The following DCUN1D5 variants were observed in gnomAD, a reference collection of about 807,000 sequenced individuals.
The protein encoded by DCUN1D5 is defective in cullin neddylation 1 domain containing 5.
DCUN1D5 carries 10 observed loss-of-function variants against 38.3 expected under a neutral mutation model. The observed-to-expected ratio is 0.26, with a 90% CI of 0.16 to 0.44. The LOEUF (loss-of-function observed/expected upper bound fraction) is 0.44. Ranked by LOEUF, DCUN1D5 falls within the 20% of genes least tolerant of loss-of-function variation. DCUN1D5 has a pLI of 1.00. For missense variants in DCUN1D5, 148 were observed against 275.3 expected (o/e 0.54, Z 3.27); for synonymous variants, 93 against 90.9 (o/e 1.02, Z -0.13).
rs1406483374 is a variant in DCUN1D5, at chr11:103,053,815, A to G, written c.*8544T>C. 2.0e-5 allele frequency: 3 copies of G among 152,156 alleles called. No individual in the cohort carries two copies. The highest frequency in any genetic ancestry group is 1.3e-4 in the Admixed American group (2 of 15,268). The allele number at this position is 152,156 out of a possible 1,614,324, so 9.4% of individuals were successfully genotyped here. On this transcript the variant is annotated 3_prime_UTR_variant, in exon 8 of 8. Coordinates refer to ENST00000260247, the MANE Select transcript of DCUN1D5 (RefSeq NM_032299.4). This position sits in a 1 kb window ranked among gnomAD's most constrained non-coding sequence, Gnocchi z 4.8. ...ATTTTTCCATTTGACTCTACTATAT[A>G]TAACACTTATTGAACACAAGTCCAT...
At chr11:103,069,537 G>A (rs1338142230) in intron 4 of DCUN1D5, among the ~76,000 whole-genome samples, 1 of 152,144 alleles carries the variant, frequency 6.6e-6, no homozygotes, top group African/African-American at 2.4e-5. Flanking sequence ...CAGGTAACAT[G>A]AACTTCTGCT....
chr11:103,062,235 A>G lies in DCUN1D5; in HGVS notation c.*124T>C. ...AAACCTCCTTTAAAAAAAGGAAAAA[A>G]AAGTACTATGAGAAGTCTTTCATAT... is the stretch of plus-strand genomic sequence containing the variant. On this transcript the variant is annotated 3_prime_UTR_variant, in exon 8 of 8. Coordinates refer to ENST00000260247, the MANE Select transcript of DCUN1D5 (RefSeq NM_032299.4). The surrounding 1 kb of genome is among the most constrained non-coding windows in gnomAD (Gnocchi z 4.6). 1 of 926,114 alleles carries G rather than the reference A, an allele frequency of 1.1e-6. No individual in the cohort carries two copies. The highest frequency in any genetic ancestry group is 2.4e-5 in the Admixed American group (1 of 41,540). The allele number at this position is 926,114 out of a possible 1,614,324, so 57.4% of individuals were successfully genotyped here. A position where few individuals can be genotyped will look rare whatever the true frequency, so the allele number is the denominator to read the frequency against.
rs1356528643 is a variant in DCUN1D5 at position 103,064,794 on chromosome 11, GTA to G, written c.556-419_556-418del. The stretch of plus-strand genomic sequence containing the variant: ...GGCATCTTTGGAAACAAGTGAAAGA[GTA>G]TAGGCTTCGATTTAAATCCCACCCT... On this transcript the variant is annotated intron_variant, in intron 6 of 7. Transcript: ENST00000260247. The surrounding 1 kb of genome is among the most constrained non-coding windows in gnomAD (Gnocchi z 4.5). 6.6e-6 allele frequency among the ~76,000 whole-genome samples: 1 copy of G among 152,146 alleles called. No individual in the cohort carries two copies. Among genetic ancestry groups the G allele is most frequent in the African/African-American group, 2.4e-5 (1 of 41,434 alleles).
At chr11:103,075,082 G>C (rs936637191) in intron 4 of DCUN1D5, among the ~76,000 whole-genome samples, 15 of 152,178 alleles carry the variant, frequency 9.9e-5, no homozygotes, top group African/African-American at 3.1e-4. Context: ...AATTCTCTCA[G>C]GTAGAAGCCC....
rs998778882 is a variant in DCUN1D5, at chr11:103,057,811, T to C, written c.*4548A>G. Among the ~76,000 whole-genome samples the C allele has an allele frequency of 2.0e-5, 3 of 152,120 alleles. No individual in the cohort carries two copies. The highest frequency in any genetic ancestry group is 4.4e-5 in the Non-Finnish European group (3 of 68,028). ...TTTTGGGGAAATCTGGCTCTCTCTA[T>C]ATATTCACTTCAAGTATTTATTAGC... is the stretch of plus-strand genomic sequence containing the variant. On this transcript the variant is annotated 3_prime_UTR_variant, in exon 8 of 8. Coordinates refer to ENST00000260247, the MANE Select transcript of DCUN1D5 (RefSeq NM_032299.4). The surrounding 1 kb of genome is among the most constrained non-coding windows in gnomAD (Gnocchi z 4.8).
In DCUN1D5 at chr11:103,059,195, C is replaced by G. The variant is rs112046756; in HGVS notation, c.*3164G>C. The stretch of plus-strand genomic sequence containing the variant: ...AAATCCTTTCATAATTTCACATTAG[C>G]AAGTAGGCAGACAGGACATGTTTTG... On this transcript the variant is annotated 3_prime_UTR_variant, in exon 8 of 8. Coordinates refer to ENST00000260247, the MANE Select transcript of DCUN1D5 (RefSeq NM_032299.4). 9.8e-3 allele frequency among the ~76,000 whole-genome samples: 1,494 copies of G among 152,178 alleles called. 19 individuals are homozygous for G. The highest frequency in any genetic ancestry group is 0.085 in the Middle Eastern group (25 of 294).
At position 103,066,435 on chromosome 11, in the gene DCUN1D5, A is replaced by G. The variant is rs750564782; in HGVS notation, c.450+24T>C. On this transcript the variant is annotated intron_variant, in intron 5 of 7. Coordinates refer to ENST00000260247, the MANE Select transcript of DCUN1D5 (RefSeq NM_032299.4). The surrounding 1 kb of genome is among the most constrained non-coding windows in gnomAD (Gnocchi z 4.7). The stretch of plus-strand genomic sequence containing the variant: ...CTCAAGATGAAAAGCTATTAAAACA[A>G]CAAAACAAGAAAATTGCACCTACCC... 34 of 1,594,302 alleles carry G rather than the reference A, an allele frequency of 2.1e-5. No individual in the cohort carries two copies. The highest frequency in any genetic ancestry group is 2.7e-5 in the Non-Finnish European group (32 of 1,166,256).
At chr11:103,069,699 G>A (rs1038975780) in intron 4 of DCUN1D5, among the ~76,000 whole-genome samples, 1 of 152,114 alleles carries the variant, frequency 6.6e-6, no homozygotes, top group Non-Finnish European at 1.5e-5. Context: ...AGCGTAGTGG[G>A]AACCCAGAAC....
chr11:103,091,523 T>C lies in DCUN1D5; in HGVS notation c.86+264A>G. On this transcript the variant is annotated intron_variant, in intron 1 of 7. Transcript: ENST00000260247. This position sits in a 1 kb window ranked among gnomAD's most constrained non-coding sequence, Gnocchi z 4.3. ...GGGGGAAGCGCAATTTACATATGCA[T>C]CTGTTCCCCACCCTGCAGGGCACGT... 2.2e-6 allele frequency: 1 copy of C among 460,486 alleles called. No homozygotes were observed. Among genetic ancestry groups the C allele is most frequent in the Non-Finnish European group, 4.0e-6 (1 of 252,068 alleles). 28.5% of individuals were successfully genotyped at this position (460,486 alleles called of 1,614,324 possible).
chr11:103,084,057 T>C (rs925522250), intron 2 of DCUN1D5, among the ~76,000 whole-genome samples: 14 of 152,168 alleles, frequency 9.2e-5, no homozygotes, highest in Non-Finnish European at 4.4e-5. Context: ...CTTAGCAACA[T>C]TAATAAATCA....
At chr11:103,082,581 A>G (rs971075112) in intron 4 of DCUN1D5, among the ~76,000 whole-genome samples, 167 bp downstream of exon 4, 1 of 152,074 alleles carries the variant, frequency 6.6e-6, no homozygotes, top group Non-Finnish European at 1.5e-5. Context: ...GTACCTATAT[A>G]TTTGCCCAAG....
rs1861944634 is a variant in DCUN1D5, at chr11:103,058,960, T to C, written c.*3399A>G. On this transcript the variant is annotated 3_prime_UTR_variant, in exon 8 of 8. Coordinates refer to ENST00000260247, the MANE Select transcript of DCUN1D5 (RefSeq NM_032299.4). ...TGCTTTAACAAAGAAAGGCATTTAG[T>C]TTTCCTTTTTTTTTTTTATTAAAAT... Among the ~76,000 whole-genome samples the C allele has an allele frequency of 6.7e-6, 1 of 148,392 alleles. No individual in the cohort carries two copies. Among genetic ancestry groups the C allele is most frequent in the Non-Finnish European group, 1.5e-5 (1 of 66,630 alleles).
rs768564081 is a variant in DCUN1D5, at chr11:103,082,733, A to T, written c.341+15T>A. 1.2e-5 allele frequency: 19 copies of T among 1,582,186 alleles called. No individual in the cohort carries two copies. Among genetic ancestry groups the T allele is most frequent in the South Asian group, 3.4e-5 (3 of 87,598 alleles). The stretch of plus-strand genomic sequence containing the variant: ...AAATAGGCCATCAAATTTGTTTTTT[A>T]AAAAAATTTCTTACTGTAATGAAGT... On this transcript the variant is annotated intron_variant, in intron 4 of 7. Coordinates refer to ENST00000260247, the MANE Select transcript of DCUN1D5 (RefSeq NM_032299.4).
intron 4 of DCUN1D5, among the ~76,000 whole-genome samples, chr11:103,074,353 C>T (rs1862354956): frequency 6.6e-6 from 1 of 152,202 alleles, no homozygotes; most frequent in African/African-American, 2.4e-5. Context: ...TATCGTAGAT[C>T]ACTGATCCTT....
intron 4 of DCUN1D5, among the ~76,000 whole-genome samples, chr11:103,081,859 T>G (rs1862572231): frequency 6.6e-6 from 1 of 152,074 alleles, no homozygotes. Context: ...TTTAAAAATT[T>G]TAGTGCCTCA....
rs767331856 is a variant in DCUN1D5, at chr11:103,066,356, G to A, written c.468C>T (p.Ser156=). 2.5e-6 allele frequency: 4 copies of A among 1,610,294 alleles called. No homozygotes were observed. In the South Asian group the frequency reaches 4.4e-5, roughly 18 times the overall value. ...FDFARDKDQR[S]LDIDTAKSML... is the part of the protein sequence containing the mutation. ...TAGATTTAGCAGTATCAATATCAAGGCTTCTCTGATCTTTATCCTAAAATA... is the reference window on the plus strand; with the variant it reads ...TAGATTTAGCAGTATCAATATCAAGACTTCTCTGATCTTTATCCTAAAATA... The change falls in exon 6 of 8, where the codon AGC becomes AGT. Residue 156 remains serine (S), a synonymous_variant. Coordinates refer to ENST00000260247, the MANE Select transcript of DCUN1D5 (RefSeq NM_032299.4). The surrounding 1 kb of genome is among the most constrained non-coding windows in gnomAD (Gnocchi z 4.7).
Position 103,051,313 on chromosome 11 carries a change from T to G in DCUN1D5, c.*11046A>C, listed in dbSNP as rs1861723813. ...ATGAACCATCCATCCTTCAGGAAAC[T>G]TTTTTAAAAAAAGATTTTCTGCATG... On this transcript the variant is annotated 3_prime_UTR_variant, in exon 8 of 8. Coordinates refer to ENST00000260247, the MANE Select transcript of DCUN1D5 (RefSeq NM_032299.4). 1 of 152,096 alleles carries G rather than the reference T, an allele frequency of 6.6e-6. No individual in the cohort carries two copies. Among genetic ancestry groups the G allele is most frequent in the South Asian group, 2.1e-4 (1 of 4,834 alleles). The allele number at this position is 152,096 out of a possible 1,614,324, so 9.4% of individuals were successfully genotyped here.
chr11:103,078,911 T>C lies in DCUN1D5; in HGVS notation c.341+3837A>G, dbSNP rs992954388. On this transcript the variant is annotated intron_variant, in intron 4 of 7. Transcript: ENST00000260247. This position sits in a 1 kb window ranked among gnomAD's most constrained non-coding sequence, Gnocchi z 4.6. ...ACTCATCTGTGCTTTCATAGTATCT[T>C]GTATTTCCACTCTAGCACATGTCAC... is the stretch of plus-strand genomic sequence containing the variant. Among the ~76,000 whole-genome samples, 2 of 152,232 alleles carry C rather than the reference T, an allele frequency of 1.3e-5. No individual in the cohort carries two copies. The highest frequency in any genetic ancestry group is 2.9e-5 in the Non-Finnish European group (2 of 68,036).
chr11:103,086,182 GAA>G lies in DCUN1D5; in HGVS notation c.179-2858_179-2857del, dbSNP rs369332721. On this transcript the variant is annotated intron_variant, in intron 2 of 7. Transcript: ENST00000260247. This position sits in a 1 kb window ranked among gnomAD's most constrained non-coding sequence, Gnocchi z 4.1. Reference sequence around the variant, plus strand: ...GCCAGCCATAACAGATGCTTAGGGGGAAAAAAAAAAAATTCTCAGTGACACAG... The same window carrying G: ...GCCAGCCATAACAGATGCTTAGGGGGAAAAAAAAAATTCTCAGTGACACAG... Among the ~76,000 whole-genome samples, 1 of 145,712 alleles carries G rather than the reference GAA, an allele frequency of 6.9e-6. No individual in the cohort carries two copies. Among genetic ancestry groups the G allele is most frequent in the African/African-American group, 2.5e-5 (1 of 40,198 alleles).
Sources: gnomAD v4.1 joint callset for allele counts (sites outside exome capture counted in the v4.1 genomes callset) on GRCh38, gnomAD v4.1.1 for gene constraint, Gnocchi (gnomAD v3.1) non-coding constraint, MANE v1.5 for transcripts, NCBI Gene and HGNC (gene_info 2026-07-23, HGNC 2026-07-21) for gene names.